The following CCSER1 variants were observed in gnomAD, a reference collection of about 807,000 sequenced individuals.
CCSER1 encodes the protein serine-rich coiled-coil domain-containing protein 1.
Under a neutral mutation model 82.0 loss-of-function variants are expected in CCSER1, and 41 were observed. The ratio of observed to expected loss-of-function variants is 0.50; its 90% confidence interval spans 0.39 to 0.65. The LOEUF (loss-of-function observed/expected upper bound fraction) is 0.65. Ranked by LOEUF, CCSER1 falls within the 30% of genes least tolerant of loss-of-function variation. CCSER1 has a pLI of 0.00. For missense variants in CCSER1, 1,119 were observed against 1,064.2 expected (o/e 1.05, Z -0.72); for synonymous variants, 414 against 383.9 (o/e 1.08, Z -0.92).
At chr4:91,513,414 T>G (rs1759931484) in intron 10 of CCSER1, among the ~76,000 whole-genome samples, 1 of 152,152 alleles carries the variant, frequency 6.6e-6, no homozygotes, top group Admixed American at 6.5e-5. Context: ...GATATTAGCC[T>G]GTGGTTTTCC....
intron 10 of CCSER1, among the ~76,000 whole-genome samples, chr4:91,363,147 C>A: frequency 6.6e-6 from 1 of 151,574 alleles, no homozygotes. Flanking sequence ...AAAAACAAAA[C>A]AAACAAAGAA....
At chr4:90,912,698 G>A (rs187343580) in intron 8 of CCSER1, among the ~76,000 whole-genome samples, 269 of 152,270 alleles carry the variant, frequency 1.8e-3, no homozygotes, top group African/African-American at 6.1e-3. Context: ...CCAAGCTAAA[G>A]GAGGAAGTTC....
chr4:91,093,755 G>A (rs1039835556), intron 10 of CCSER1, among the ~76,000 whole-genome samples: 1 of 152,180 alleles, frequency 6.6e-6, no homozygotes, highest in Non-Finnish European at 1.5e-5. Flanking sequence ...TCCTAAGGCT[G>A]GGGCTGACAT....
intron 10 of CCSER1, among the ~76,000 whole-genome samples, chr4:91,144,647 T>G (rs1414182613): frequency 6.6e-6 from 1 of 151,916 alleles, no homozygotes; most frequent in Non-Finnish European, 1.5e-5. Flanking sequence ...CTGGAGATTT[T>G]GGTATATTGT....
intron 8 of CCSER1, among the ~76,000 whole-genome samples, chr4:90,822,246 C>T (rs1436101310): frequency 6.6e-6 from 1 of 152,106 alleles, no homozygotes; most frequent in African/African-American, 2.4e-5. Context: ...TACATATACA[C>T]TTTCAAAAAT....
chr4:90,837,745 C>T (rs1346061854), intron 8 of CCSER1, among the ~76,000 whole-genome samples: 1 of 152,058 alleles, frequency 6.6e-6, no homozygotes. Context: ...GCCCATGGGA[C>T]ATCTTAGTTG....
At chr4:91,369,289 A>G (rs1749850726) in intron 10 of CCSER1, among the ~76,000 whole-genome samples, 1 of 152,222 alleles carries the variant, frequency 6.6e-6, no homozygotes, top group African/African-American at 2.4e-5. Context: ...ACAAGGCAAC[A>G]TGTAGAACAG....
intron 1 of CCSER1, among the ~76,000 whole-genome samples, chr4:90,297,710 T>C (rs1315436812): frequency 1.3e-5 from 2 of 152,070 alleles, no homozygotes; most frequent in Non-Finnish European, 2.9e-5. Context: ...TGAAGGGTTG[T>C]TGAATTTTGT....
intron 1 of CCSER1, among the ~76,000 whole-genome samples, chr4:90,129,999 A>G (rs1020725447): frequency 6.6e-6 from 1 of 152,324 alleles, no homozygotes; most frequent in East Asian, 1.9e-4. Flanking sequence ...TTGTTTTTTG[A>G]CAGTTAAGAG....
At chr4:91,548,137 T>A (rs753943294) in intron 10 of CCSER1, among the ~76,000 whole-genome samples, 1 of 152,114 alleles carries the variant, frequency 6.6e-6, no homozygotes, top group Non-Finnish European at 1.5e-5. Flanking sequence ...TCTCCTTTCT[T>A]AGAATATCAG....
At chr4:90,907,648 T>C (rs764319920) in intron 8 of CCSER1, among the ~76,000 whole-genome samples, 40 of 152,260 alleles carry the variant, frequency 2.6e-4, no homozygotes, top group East Asian at 9.6e-4. Flanking sequence ...TAAACATTTG[T>C]CATGTGATGT....
intron 9 of CCSER1, among the ~76,000 whole-genome samples, chr4:91,021,305 T>C (rs888553811): frequency 3.3e-5 from 5 of 152,054 alleles, no homozygotes; most frequent in Non-Finnish European, 7.4e-5. Flanking sequence ...ATAATATATA[T>C]GATAAAAAAC....
chr4:90,175,371 A>C (rs1732473728), intron 1 of CCSER1, among the ~76,000 whole-genome samples: 1 of 152,004 alleles, frequency 6.6e-6, no homozygotes, highest in Admixed American at 6.6e-5. Flanking sequence ...CTGGCCGGAA[A>C]AGATGGGAAG....
intron 10 of CCSER1, among the ~76,000 whole-genome samples, chr4:91,334,532 A>C (rs1356973069): frequency 2.6e-5 from 4 of 152,008 alleles, no homozygotes; most frequent in Admixed American, 6.6e-5. Context: ...AAAAGAAAAC[A>C]CACACTCACA....
chr4:91,376,218 C>T (rs1180841969), intron 10 of CCSER1, among the ~76,000 whole-genome samples: 2 of 152,086 alleles, frequency 1.3e-5, no homozygotes, highest in African/African-American at 4.8e-5. Context: ...GACAGAGATA[C>T]GTTCTAAGAA....
At chr4:90,197,603 A>G (rs959163552) in intron 1 of CCSER1, among the ~76,000 whole-genome samples, 8 of 152,170 alleles carry the variant, frequency 5.3e-5, no homozygotes, top group Admixed American at 2.0e-4. Flanking sequence ...TCTGCCATAA[A>G]AAGAATGAGA....
At chr4:91,481,430 G>T (rs181942199) in intron 10 of CCSER1, among the ~76,000 whole-genome samples, 1 of 151,816 alleles carries the variant, frequency 6.6e-6, no homozygotes, top group African/African-American at 2.4e-5. Flanking sequence ...GCCTCTTTTC[G>T]TAAGACACAA....
At chr4:90,643,244 A>AGTT (rs34148946) in intron 6 of CCSER1, among the ~76,000 whole-genome samples, 23,276 of 152,036 alleles carry the variant, frequency 0.15, 2,095 homozygotes, top group East Asian at 0.33. Flanking sequence ...TCCTCAACTA[A>AGTT]GTTGTAGTGT....
intron 1 of CCSER1, among the ~76,000 whole-genome samples, chr4:90,187,521 T>C (rs1047469115): frequency 4.6e-5 from 7 of 151,832 alleles, no homozygotes; most frequent in African/African-American, 1.7e-4. Context: ...CATTCTCTAA[T>C]TGGCTGCTGT....
Sources: gnomAD v4.1 joint callset for allele counts (sites outside exome capture counted in the v4.1 genomes callset) on GRCh38, gnomAD v4.1.1 for gene constraint, MANE v1.5 for transcripts, NCBI Gene and HGNC (gene_info 2026-07-23, HGNC 2026-07-21) for gene names.